The following CTNND2 variants were observed in gnomAD, a reference collection of about 807,000 sequenced individuals.
The protein encoded by CTNND2 is catenin delta-2.
CTNND2 carries 22 observed loss-of-function variants against 144.4 expected under a neutral mutation model. That is an observed-to-expected ratio of 0.15 (90% CI 0.11 to 0.22). The LOEUF is 0.22. CTNND2 is among the 10% of genes least tolerant of loss of function. The pLI is 1.00. For synonymous variants in CTNND2, 751 were observed against 695.6 expected (o/e 1.08, Z -1.25); for missense variants, 1,353 against 1,618.8 (o/e 0.84, Z 2.82).
At chr5:11,118,283 T>C (rs61753314) in intron 12 of CTNND2, among the ~76,000 whole-genome samples, 1 of 152,274 alleles carries the variant, frequency 6.6e-6, no homozygotes, top group Non-Finnish European at 1.5e-5. Context: ...CACCTGAGCA[T>C]ATGTTGTTCT....
intron 1 of CTNND2, among the ~76,000 whole-genome samples, chr5:11,766,481 T>A (rs1789595540): frequency 6.6e-6 from 1 of 152,234 alleles, no homozygotes; most frequent in Non-Finnish European, 1.5e-5. Context: ...CTGCACAAGC[T>A]GTCTCTCTCT....
chr5:11,388,173 C>T (rs1246359260), intron 6 of CTNND2, among the ~76,000 whole-genome samples: 3 of 152,162 alleles, frequency 2.0e-5, no homozygotes, highest in Non-Finnish European at 4.4e-5. Flanking sequence ...TACTGTTTAA[C>T]ATAGTAAGTG....
chr5:11,818,541 T>C (rs915243041), intron 1 of CTNND2, among the ~76,000 whole-genome samples: 10 of 152,096 alleles, frequency 6.6e-5, no homozygotes. Context: ...CTAATTTATG[T>C]ATACTTAGTA....
In CTNND2 at chr5:11,250,519, ATTT is replaced by A. The variant is rs67476400; in HGVS notation, c.1629-13699_1629-13697del. On this transcript the variant is annotated intron_variant, in intron 9 of 21. Transcript: ENST00000304623. ...TATATATATATATATATATACATATATTTTTTTTTTTTTTTAGAGACAGGGTCT... is the reference window on the plus strand; with the variant it reads ...TATATATATATATATATATACATATATTTTTTTTTTTTAGAGACAGGGTCT... Among the ~76,000 whole-genome samples, 92 of 83,228 alleles carry A rather than the reference ATTT, an allele frequency of 1.1e-3. 1 individual carries two copies. The highest frequency in any genetic ancestry group is 4.4e-3 in the African/African-American group (73 of 16,502). The allele number at this position is 83,228 out of a possible 152,430, so 54.6% of individuals were successfully genotyped here. A position where few individuals can be genotyped will look rare whatever the true frequency, so the allele number is the denominator to read the frequency against.
chr5:11,518,087 A>G (rs1464718364), intron 3 of CTNND2, among the ~76,000 whole-genome samples: 1 of 152,230 alleles, frequency 6.6e-6, no homozygotes, highest in Admixed American at 6.5e-5. Flanking sequence ...ACGACGTCAC[A>G]TAACAACATT....
chr5:10,994,679 C>T (rs1349920252), intron 18 of CTNND2, among the ~76,000 whole-genome samples: 5 of 152,186 alleles, frequency 3.3e-5, no homozygotes, highest in Non-Finnish European at 2.9e-5. Context: ...TGGGTGGGAA[C>T]GGCTTCGCTG....
chr5:11,891,195 AGGT>A (rs774186815), intron 1 of CTNND2, among the ~76,000 whole-genome samples: 2 of 152,256 alleles, frequency 1.3e-5, no homozygotes, highest in African/African-American at 4.8e-5. Flanking sequence ...ATGTGGGTCT[AGGT>A]ACTCTATATA....
intron 1 of CTNND2, among the ~76,000 whole-genome samples, chr5:11,771,884 C>T (rs1025084556): frequency 2.0e-5 from 3 of 152,198 alleles, no homozygotes; most frequent in African/African-American, 7.2e-5. Flanking sequence ...TTTTGAAACA[C>T]TGAAAATGTT....
chr5:11,470,603 T>C (rs1264910256), intron 3 of CTNND2, among the ~76,000 whole-genome samples: 1 of 152,156 alleles, frequency 6.6e-6, no homozygotes, highest in Non-Finnish European at 1.5e-5. Flanking sequence ...CCTTCATTTG[T>C]AATCTAATGT....
At chr5:11,794,831 T>A (rs1378195898) in intron 1 of CTNND2, among the ~76,000 whole-genome samples, 1 of 152,232 alleles carries the variant, frequency 6.6e-6, no homozygotes, top group Non-Finnish European at 1.5e-5. Context: ...GGGTAAGGAA[T>A]GCCTACTTGG....
intron 14 of CTNND2, among the ~76,000 whole-genome samples, chr5:11,109,510 A>T (rs1021691155): frequency 2.0e-5 from 3 of 152,208 alleles, no homozygotes; most frequent in Non-Finnish European, 4.4e-5. Context: ...CTGGACTAGA[A>T]AAAGTTCTAG....
intron 15 of CTNND2, among the ~76,000 whole-genome samples, chr5:11,083,525 G>A (rs994354650): frequency 1.3e-5 from 2 of 152,196 alleles, no homozygotes; most frequent in South Asian, 4.1e-4. Flanking sequence ...GTGGTCGTCA[G>A]CCTTAATGGA....
intron 1 of CTNND2, among the ~76,000 whole-genome samples, chr5:11,853,983 T>C (rs747769187): frequency 6.6e-6 from 1 of 152,234 alleles, no homozygotes; most frequent in Non-Finnish European, 1.5e-5. Context: ...TCCAAGTCTA[T>C]GTCAGATCAC....
intron 2 of CTNND2, among the ~76,000 whole-genome samples, chr5:11,694,147 G>C (rs1200623324): frequency 6.6e-6 from 1 of 152,016 alleles, no homozygotes; most frequent in Admixed American, 6.6e-5. Flanking sequence ...GAAAAAACAT[G>C]AAAATGGGCC....
At chr5:11,796,419 A>G (rs1159262067) in intron 1 of CTNND2, among the ~76,000 whole-genome samples, 2 of 152,204 alleles carry the variant, frequency 1.3e-5, no homozygotes, top group Admixed American at 6.5e-5. Context: ...TATGGGCCAC[A>G]TTCTTCCCAT....
chr5:11,464,971 C>T (rs912007512), intron 3 of CTNND2, among the ~76,000 whole-genome samples: 2 of 152,078 alleles, frequency 1.3e-5, no homozygotes, highest in African/African-American at 2.4e-5. Context: ...GGGCTGAGAT[C>T]CCAAAATGAT....
intron 2 of CTNND2, among the ~76,000 whole-genome samples, chr5:11,723,099 A>AAGG (rs34160309): frequency 2.0e-5 from 3 of 151,946 alleles, no homozygotes; most frequent in African/African-American, 7.3e-5. Context: ...ATCACTGAAG[A>AAGG]TTTTCAACAA....
chr5:11,850,670 G>C (rs1009697009), intron 1 of CTNND2, among the ~76,000 whole-genome samples: 3 of 152,122 alleles, frequency 2.0e-5, no homozygotes, highest in Non-Finnish European at 4.4e-5. Flanking sequence ...AACACCCAGA[G>C]TGCCAATCCA....
intron 3 of CTNND2, among the ~76,000 whole-genome samples, chr5:11,433,574 T>C (rs1004173090): frequency 3.9e-5 from 6 of 152,124 alleles, no homozygotes; most frequent in Admixed American, 6.6e-5. Context: ...CTTCCAATCA[T>C]GGCAGAAGGA....
Sources: gnomAD v4.1 joint callset for allele counts (sites outside exome capture counted in the v4.1 genomes callset) on GRCh38, gnomAD v4.1.1 for gene constraint, MANE v1.5 for transcripts, NCBI Gene and HGNC (gene_info 2026-07-23, HGNC 2026-07-21) for gene names.